TRIM14: variants seen among roughly 807,000 people sequenced by gnomAD.
The protein encoded by TRIM14 is tripartite motif containing 14, also known as tripartite motif-containing protein 14.
TRIM14 carries 28 observed loss-of-function variants against 44.5 expected under a neutral mutation model. That is an observed-to-expected ratio of 0.63 (90% CI 0.47 to 0.86). The LOEUF is 0.86. Among genes scored for constraint, TRIM14 ranks in the 40% least tolerant of loss-of-function variants. TRIM14 has a pLI of 0.00. For synonymous variants in TRIM14, 299 were observed against 269.2 expected, an observed-to-expected ratio of 1.11 and a Z score of -1.08; for missense variants, 607 against 611.1, an observed-to-expected ratio of 0.99 and a Z score of 0.07.
chr9:98,062,450 T>C, the TRIM14 span, among the ~76,000 whole-genome samples: 1 of 151,968 alleles, frequency 6.6e-6, no homozygotes, highest in Admixed American at 6.6e-5. Context: ...TGTGTTCTTT[T>C]GAATGTAAAA....
At chr9:98,067,831 C>A (rs1340097182), downstream of TRIM14, among the ~76,000 whole-genome samples, 1 of 133,514 alleles carries the variant, frequency 7.5e-6, no homozygotes, top group Admixed American at 7.1e-5. Flanking sequence ...AAGCAATCCT[C>A]CCACCTCAGC....
intron 1 of TRIM14, among the ~76,000 whole-genome samples, chr9:98,114,483 G>A (rs534240970): frequency 4.0e-4 from 61 of 152,140 alleles, no homozygotes; most frequent in Non-Finnish European, 7.2e-4. Context: ...ACAGGTGCCC[G>A]CCACCACGCC....
chr9:98,045,792 C>A, the TRIM14 span, among the ~76,000 whole-genome samples: 4 of 152,182 alleles, frequency 2.6e-5, no homozygotes, highest in Non-Finnish European at 5.9e-5. Flanking sequence ...AAGGTACCTG[C>A]AGGACCCATT....
intron 4 of TRIM14, chr9:98,092,638 C>A (rs4743163): frequency 0.59 from 114,168 of 192,574 alleles, 37,318 homozygotes; most frequent in African/African-American, 0.9. Context: ...GTTCGGCCTA[C>A]ATATTTTTCT....
In TRIM14 at chr9:98,086,333, CTT is replaced by C. The variant is rs559366746; in HGVS notation, c.*1135_*1136del. The C allele has an allele frequency of 6.6e-6, 1 of 152,364 alleles. No individual in the cohort carries two copies. Among genetic ancestry groups the C allele is most frequent in the African/African-American group, 2.4e-5 (1 of 41,550 alleles). 9.4% of individuals were successfully genotyped at this position (152,364 alleles called of 1,614,324 possible). On this transcript the variant is annotated 3_prime_UTR_variant, in exon 6 of 6. Transcript: ENST00000341469. ...GCCCCCCTATATCACCCCGGGGTAA[CTT>C]TACGCAGCTCTGCTTTCTTTCAGGA...
the TRIM14 span, among the ~76,000 whole-genome samples, chr9:98,054,669 A>G: frequency 6.6e-6 from 1 of 152,204 alleles, no homozygotes; most frequent in Non-Finnish European, 1.5e-5. Context: ...TCTCTATTGC[A>G]AAGTGTACTC....
At chr9:98,089,995 A>G (rs1294204222) in intron 5 of TRIM14, among the ~76,000 whole-genome samples, 3 of 152,212 alleles carry the variant, frequency 2.0e-5, no homozygotes, top group Admixed American at 2.0e-4. Flanking sequence ...CGGTCACATA[A>G]CATTCTTGTG....
downstream of TRIM14, chr9:98,080,932 T>C (rs1414805619): frequency 6.2e-7 from 1 of 1,614,076 alleles, no homozygotes; most frequent in Non-Finnish European, 8.5e-7. Flanking sequence ...GTCACATAAC[T>C]TTGGACAAGA....
the TRIM14 span, among the ~76,000 whole-genome samples, chr9:98,041,788 T>TGGC: frequency 6.7e-6 from 1 of 149,816 alleles, no homozygotes; most frequent in African/African-American, 2.4e-5. Context: ...GTTCACGCCA[T>TGGC]TCTCCTGCCT....
the TRIM14 span, among the ~76,000 whole-genome samples, chr9:98,051,153 C>T: frequency 5.9e-5 from 9 of 152,168 alleles, no homozygotes; most frequent in Admixed American, 3.9e-4. Context: ...TGTGTGCAAA[C>T]ACTTAAAACC....
chr9:98,119,010 A>G lies in TRIM14; in HGVS notation c.179T>C (p.Leu60Pro). The part of the protein sequence containing the change: ...LGAHRGHPVG[L>P]ALEAAVHVQK... ...CACGTGCACCGCTGCCTCCAGCGCC[A>G]GGCCCACAGGGTGGCCACGGTGCGC... The change falls in exon 1 of 6, where the codon CTG becomes CCG. Residue 60 changes from leucine to proline, a missense_variant. Leu to Pro is a moderately conservative substitution (Grantham distance 98). This residue lies in a region of TRIM14 where 246 missense variants were observed against 270.8 expected (regional missense o/e 0.91). Transcript: ENST00000341469. The G allele has an allele frequency of 6.4e-7, 1 of 1,563,720 alleles. No individual in the cohort carries two copies. Among genetic ancestry groups the G allele is most frequent in the Non-Finnish European group, 8.6e-7 (1 of 1,164,284 alleles).
intron 5 of TRIM14, among the ~76,000 whole-genome samples, chr9:98,089,960 G>A (rs1212089059): frequency 6.6e-6 from 1 of 152,200 alleles, no homozygotes; most frequent in Non-Finnish European, 1.5e-5. Flanking sequence ...ACTCTGCAAA[G>A]CGTTGAGCAA....
downstream of TRIM14, chr9:98,082,054 T>C (rs1025590080): frequency 6.6e-6 from 1 of 152,200 alleles, no homozygotes; most frequent in African/African-American, 2.4e-5. Flanking sequence ...AATTGATTCC[T>C]TGTACTCTTA....
downstream of TRIM14, chr9:98,081,197 G>A (rs111291822): frequency 1.0e-3 from 1,446 of 1,407,556 alleles, 8 homozygotes; most frequent in African/African-American, 0.018. Flanking sequence ...GAAATGATCA[G>A]TGAATGTGCT....
At position 98,099,924 on chromosome 9, in the gene TRIM14, G is replaced by T. The variant is rs112727543; in HGVS notation, c.537+7C>A. 3.4e-4 allele frequency: 553 copies of T among 1,610,206 alleles called. 3 individuals are homozygous for T. The African/African-American group carries it at 4.7e-3, about 14-fold the overall frequency. On this transcript the variant is annotated splice_region_variant and intron_variant, in intron 3 of 5. Transcript: ENST00000341469. ...GGCAGCAGTAAGAGCAGTGACCCCA[G>T]CATTACCTGAAGCCTCTGGACAGGA... is the stretch of plus-strand genomic sequence containing the variant.
the TRIM14 span, among the ~76,000 whole-genome samples, chr9:98,041,328 C>T: frequency 6.6e-6 from 1 of 151,804 alleles, no homozygotes; most frequent in Non-Finnish European, 1.5e-5. Context: ...AATTTTTTCT[C>T]TCTCCATTCT....
downstream of TRIM14, chr9:98,081,119 T>C: frequency 2.5e-6 from 4 of 1,608,994 alleles, no homozygotes; most frequent in Non-Finnish European, 3.4e-6. Context: ...TCTGCTGCCG[T>C]GTGTGGAAAA....
At position 98,077,492 on chromosome 9, in the gene TRIM14, G is replaced by A. The variant is rs541860242; in HGVS notation, c.*29-7805C>T. ...CCCAAAGTGTTGGGATTACAGGTGTGAGCCACTGCACCTGTCCTAGAAAAT... is the reference window on the plus strand; with the variant it reads ...CCCAAAGTGTTGGGATTACAGGTGTAAGCCACTGCACCTGTCCTAGAAAAT... On this transcript the variant is annotated intron_variant, in intron 6 of 6. Transcript: ENST00000375098. Among the ~76,000 whole-genome samples the A allele has an allele frequency of 1.1e-4, 16 of 151,870 alleles. No homozygotes were observed. In the South Asian group the frequency reaches 2.5e-3, roughly 24 times the overall value.
chr9:98,057,922 G>GTTTTTTTTTT, the TRIM14 span, among the ~76,000 whole-genome samples: 11 of 78,086 alleles, frequency 1.4e-4, no homozygotes, highest in Non-Finnish European at 2.1e-4. Context: ...TTTTTTCCTG[G>GTTTTTTTTTT]TTTTTTTTTT....
Sources: allele counts gnomAD v4.1 joint callset (sites outside exome capture counted in the v4.1 genomes callset), GRCh38; gene constraint gnomAD v4.1.1; regional missense constraint gnomAD v4.1.1; transcripts MANE v1.5; gene names NCBI Gene and HGNC (gene_info 2026-07-23, HGNC 2026-07-21).